SCN9A: variants seen among roughly 807,000 people sequenced by gnomAD.
SCN9A encodes the protein sodium channel protein type 9 subunit alpha.
Under a neutral mutation model 187.0 loss-of-function variants are expected in SCN9A, and 131 were observed. The ratio of observed to expected loss-of-function variants is 0.70; its 90% CI spans 0.61 to 0.81. SCN9A has a LOEUF of 0.81. Ranked by LOEUF, SCN9A falls within the 30% of genes least tolerant of loss-of-function variation. The pLI, the probability that SCN9A is intolerant of heterozygous loss-of-function variation, is 0.00. For missense variants in SCN9A, 2,252 were observed against 2,396.6 expected (o/e 0.94, Z 1.26); for synonymous variants, 809 against 808.6 (o/e 1.00, Z -0.01).
At chr2:166,271,701 TAA>T (rs1045730213) in intron 17 of SCN9A, among the ~76,000 whole-genome samples, 2 of 151,698 alleles carry the variant, frequency 1.3e-5, no homozygotes, top group Admixed American at 1.3e-4. Flanking sequence ...CAAACTTTTT[TAA>T]AAAAATTAGC....
intron 1 of SCN9A, among the ~76,000 whole-genome samples, chr2:166,336,207 A>G (rs532943697): frequency 1.3e-5 from 2 of 152,084 alleles, no homozygotes. Context: ...AAAGATTCTC[A>G]TTTGTAGAGG....
At chr2:166,318,303 C>G (rs1251155149) in intron 1 of SCN9A, among the ~76,000 whole-genome samples, 1 of 152,008 alleles carries the variant, frequency 6.6e-6, no homozygotes, top group African/African-American at 2.4e-5. Context: ...TTTCAGTCAT[C>G]CCTCTCTTTC....
At chr2:166,311,329 CCTATATATATATATAT>C (rs1162255675) in intron 2 of SCN9A, among the ~76,000 whole-genome samples, 154 bp downstream of exon 2, 3,091 of 47,912 alleles carry the variant, frequency 0.065, 426 homozygotes, top group South Asian at 0.13. Flanking sequence ...TTCTGAATAT[CCTATATATATATATAT>C]ATATATATAT....
chr2:166,226,238 GAATA>G (rs1157583311), intron 24 of SCN9A, among the ~76,000 whole-genome samples: 2 of 151,940 alleles, frequency 1.3e-5, no homozygotes, highest in Non-Finnish European at 1.5e-5. Flanking sequence ...AATGTGTTTT[GAATA>G]AATAGTGTAT....
chr2:166,214,649 G>T (rs1183132825), intron 24 of SCN9A, among the ~76,000 whole-genome samples: 1 of 147,550 alleles, frequency 6.8e-6, no homozygotes, highest in Non-Finnish European at 1.5e-5. Flanking sequence ...CGAGTAGCTG[G>T]GACTACAGGC....
At chr2:166,253,141 G>A (rs1696119222) in intron 17 of SCN9A, among the ~76,000 whole-genome samples, 1 of 151,824 alleles carries the variant, frequency 6.6e-6, no homozygotes, top group South Asian at 2.1e-4. Context: ...TTCTTGATGG[G>A]TACCACATTA....
chr2:166,358,811 A>G (rs1164646352), intron 1 of SCN9A, among the ~76,000 whole-genome samples: 4 of 152,188 alleles, frequency 2.6e-5, no homozygotes, highest in Non-Finnish European at 5.9e-5. Flanking sequence ...TTGTAATGAC[A>G]TTGATATATT....
chr2:166,307,581 G>T, intron 2 of SCN9A, among the ~76,000 whole-genome samples: 1 of 152,172 alleles, frequency 6.6e-6, no homozygotes, highest in East Asian at 1.9e-4. Flanking sequence ...GAACGTCAGA[G>T]TTGGAAGAAT....
Position 166,272,902 on chromosome 2 carries a change from G to C in SCN9A, c.2875-27C>G, listed in dbSNP as rs201491907. ...TATATCAGGGTGGGGAGAGGGGGTA[G>C]AGAAATAGGGAGACAGGAAATATAA... is the stretch of plus-strand genomic sequence containing the variant. On this transcript the variant is annotated intron_variant, in intron 16 of 26. Transcript: ENST00000642356. 11 of 947,346 alleles carry C rather than the reference G, an allele frequency of 1.2e-5. No homozygotes were observed. The African/African-American group carries it at 1.7e-4, about 14-fold the overall frequency. The allele number at this position is 947,346 out of a possible 1,614,324, so 58.7% of individuals were successfully genotyped here.
chr2:166,202,930 T>C (rs1429237957), intron 26 of SCN9A, among the ~76,000 whole-genome samples: 1 of 151,768 alleles, frequency 6.6e-6, no homozygotes, highest in East Asian at 1.9e-4. Context: ...CCATTGTTTT[T>C]ATATATGTAC....
At chr2:166,216,533 A>C (rs1694338825) in intron 24 of SCN9A, among the ~76,000 whole-genome samples, 1 of 152,110 alleles carries the variant, frequency 6.6e-6, no homozygotes, top group Non-Finnish European at 1.5e-5. Context: ...AATTCAGTAA[A>C]GTTGCAGTTT....
chr2:166,305,059 T>C (rs113361139), intron 5 of SCN9A, among the ~76,000 whole-genome samples: 2 of 152,044 alleles, frequency 1.3e-5, no homozygotes, highest in African/African-American at 4.8e-5. Flanking sequence ...GAAAAGAGGT[T>C]AGGCAGGGAT....
intron 24 of SCN9A, among the ~76,000 whole-genome samples, chr2:166,222,945 C>CAAAAAA (rs1309168684): frequency 2.9e-4 from 13 of 44,954 alleles, no homozygotes; most frequent in African/African-American, 5.8e-4. Flanking sequence ...AAAAAAACAA[C>CAAAAAA]AAAAAAAAAA....
intron 24 of SCN9A, among the ~76,000 whole-genome samples, chr2:166,222,278 A>G (rs4270359): frequency 0.89 from 135,765 of 152,312 alleles, 60,633 homozygotes; most frequent in East Asian, 0.95. Flanking sequence ...CATGCAAATG[A>G]CCAACATGTA....
chr2:166,374,451 A>G (rs1431523391), intron 1 of SCN9A, among the ~76,000 whole-genome samples: 1 of 152,204 alleles, frequency 6.6e-6, no homozygotes, highest in East Asian at 1.9e-4. Flanking sequence ...CAGGGATCAG[A>G]TAAGACTAGC....
rs1698162480 is a variant in SCN9A, at chr2:166,293,353, T to C, written c.985A>G (p.Thr329Ala). The C allele has an allele frequency of 6.2e-7, 1 of 1,609,210 alleles. No homozygotes were observed. Among genetic ancestry groups the C allele is most frequent in the Non-Finnish European group, 8.5e-7 (1 of 1,177,718 alleles). ...TDSGQCPEGY[T>A]CVKIGRNPDY... ...GGGTTTCTGCCAATTTTCACACAGGTGTACCCCTCTGGACACTGACTACAC... is the reference window on the plus strand; with the variant it reads ...GGGTTTCTGCCAATTTTCACACAGGCGTACCCCTCTGGACACTGACTACAC... Residue 329 changes from threonine to alanine, a missense_variant, in exon 9 of 27, where the codon ACC (threonine) becomes GCC (alanine). Thr to Ala is a moderately conservative substitution (Grantham distance 58). This residue lies in a region of SCN9A where 1,013 missense variants were observed against 997.4 expected (regional missense o/e 1.02). Transcript: ENST00000642356.
chr2:166,281,790 G>T lies in SCN9A; in HGVS notation c.1993C>A (p.His665Asn), dbSNP rs375720286. Residue 665 changes from histidine (H) to asparagine (N), a missense_variant, in exon 13 of 27, where the codon CAC (histidine) becomes AAC (asparagine). By Grantham distance (68) the His-to-Asn change is moderately conservative. Around this residue, in one of 7 missense-constraint regions of SCN9A, gnomAD observed 1,013 missense variants for 997.4 expected, o/e 1.02. Coordinates refer to ENST00000642356, the MANE Select transcript of SCN9A (RefSeq NM_001365536.1). ...SDDSGTTNQIHKKRRCSSYLL... is the reference protein window; with the variant it reads ...SDDSGTTNQINKKRRCSSYLL... Reference sequence around the variant, plus strand: ...TAGGAACTACAACGCCTTTTCTTGTGTATTTGATTGGTCGTGCCCTAAAAA... The same window carrying T: ...TAGGAACTACAACGCCTTTTCTTGTTTATTTGATTGGTCGTGCCCTAAAAA... 1.9e-6 allele frequency: 3 copies of T among 1,611,328 alleles called. No homozygotes were observed. The African/African-American group carries it at 4.0e-5, about 22-fold the overall frequency.
intron 7 of SCN9A, among the ~76,000 whole-genome samples, chr2:166,296,688 A>G (rs1031714983): frequency 3.3e-5 from 5 of 152,204 alleles, no homozygotes; most frequent in African/African-American, 1.2e-4. Flanking sequence ...TTAACACAGT[A>G]TAAGAATGAT....
intron 1 of SCN9A, among the ~76,000 whole-genome samples, chr2:166,338,210 C>T (rs1699675610): frequency 1.3e-5 from 2 of 152,090 alleles, no homozygotes; most frequent in Admixed American, 1.3e-4. Context: ...TTCAAAATTG[C>T]TTGTCTCACA....
Sources: gnomAD v4.1 joint callset for allele counts (sites outside exome capture counted in the v4.1 genomes callset) on GRCh38, gnomAD v4.1.1 for gene constraint, gnomAD v4.1.1 regional missense constraint, MANE v1.5 for transcripts, NCBI Gene and HGNC (gene_info 2026-07-23, HGNC 2026-07-21) for gene names.